The following CLOCK variants were observed in gnomAD, a reference collection of about 807,000 sequenced individuals.
CLOCK encodes clock circadian regulator.
In CLOCK, 43 loss-of-function variants were observed where a neutral mutation model predicts 118.4. That is an observed-to-expected ratio of 0.36 (90% CI 0.28 to 0.47). The LOEUF is 0.47. CLOCK is among the 20% of genes least tolerant of loss of function. The pLI, the probability that CLOCK is intolerant of heterozygous loss-of-function variation, is 1.00. For missense variants in CLOCK, 846 were observed against 999.9 expected (o/e 0.85, Z 2.08); for synonymous variants, 326 against 339.2 (o/e 0.96, Z 0.43).
At chr4:55,495,300 ATTG>A (rs1035164047) in intron 2 of CLOCK, among the ~76,000 whole-genome samples, 8 of 152,124 alleles carry the variant, frequency 5.3e-5, no homozygotes, top group African/African-American at 1.9e-4. Context: ...TTTCCTCAGT[ATTG>A]TTGTTGCACA....
At chr4:55,492,031 A>AT (rs1215927540) in intron 2 of CLOCK, among the ~76,000 whole-genome samples, 1 of 152,168 alleles carries the variant, frequency 6.6e-6, no homozygotes, top group African/African-American at 2.4e-5. Context: ...AAAAGGGAAC[A>AT]TTTTCAAACT....
chr4:55,539,031 G>A lies in CLOCK; in HGVS notation c.-290+7751C>T, dbSNP rs77926023. 5.0e-3 allele frequency among the ~76,000 whole-genome samples: 752 copies of A among 150,956 alleles called. 8 individuals are homozygous for A. Among genetic ancestry groups the A allele is most frequent in the African/African-American group, 0.018 (725 of 40,972 alleles). The stretch of plus-strand genomic sequence containing the variant: ...CAGATCACTTGAGGCCATGAGTTTG[G>A]AGACCTGCGTGGCCAACATGGCAAA... On this transcript the variant is annotated intron_variant, in intron 1 of 22. Transcript: ENST00000513440.
At chr4:55,460,802 C>T (rs116634267) in intron 9 of CLOCK, among the ~76,000 whole-genome samples, 4,126 of 152,224 alleles carry the variant, frequency 0.027, 197 homozygotes, top group African/African-American at 0.094. Flanking sequence ...ATCATCTAAC[C>T]TAATCAGTAA....
intron 11 of CLOCK, among the ~76,000 whole-genome samples, chr4:55,457,655 C>A (rs1265199082): frequency 6.6e-6 from 1 of 152,192 alleles, no homozygotes; most frequent in Non-Finnish European, 1.5e-5. Flanking sequence ...CTCCCACTAT[C>A]TCTTCCCCCT....
intron 2 of CLOCK, among the ~76,000 whole-genome samples, chr4:55,500,436 T>C (rs1388514328): frequency 6.6e-6 from 1 of 151,920 alleles, no homozygotes; most frequent in African/African-American, 2.4e-5. Context: ...CTCGACCTCC[T>C]GGGCTCAAGC....
intron 1 of CLOCK, among the ~76,000 whole-genome samples, chr4:55,531,390 G>A (rs567778247): frequency 8.5e-5 from 13 of 152,184 alleles, no homozygotes; most frequent in African/African-American, 2.9e-4. Flanking sequence ...AGGCTTTACT[G>A]GAGAATTCTA....
chr4:55,434,227 C>T lies in CLOCK; in HGVS notation c.*1188G>A, dbSNP rs187961047. Reference sequence around the variant, plus strand: ...TCAAGGCACTATGGGGTTTTTTCCCCTCAAATAACCCTGAATCATTTCTGA... The same window carrying T: ...TCAAGGCACTATGGGGTTTTTTCCCTTCAAATAACCCTGAATCATTTCTGA... On this transcript the variant is annotated 3_prime_UTR_variant, in exon 23 of 23. Coordinates refer to ENST00000513440, the MANE Select transcript of CLOCK (RefSeq NM_004898.4). The T allele has an allele frequency of 6.6e-5, 10 of 152,642 alleles. No homozygotes were observed. The East Asian group carries it at 1.9e-3, about 30-fold the overall frequency. The allele number at this position is 152,642 out of a possible 1,614,324, so 9.5% of individuals were successfully genotyped here. A position where few individuals can be genotyped will look rare whatever the true frequency, so the allele number is the denominator to read the frequency against.
chr4:55,482,472 T>C (rs1335054504), intron 4 of CLOCK, among the ~76,000 whole-genome samples: 2 of 152,204 alleles, frequency 1.3e-5, no homozygotes, highest in Non-Finnish European at 2.9e-5. Flanking sequence ...AGAATTTCCT[T>C]CAGAGCAGCT....
At position 55,449,947 on chromosome 4, in the gene CLOCK, TA is replaced by T. The variant is rs1724272226; in HGVS notation, c.1348+143del. On this transcript the variant is annotated intron_variant, in intron 16 of 22. Coordinates refer to ENST00000513440, the MANE Select transcript of CLOCK (RefSeq NM_004898.4). Reference sequence around the variant, plus strand: ...TTGCTGAAAGTGGGCAATGTCCCTTTAACTCACTGGAAAGGTTACTACATTT... The same window carrying T: ...TTGCTGAAAGTGGGCAATGTCCCTTTACTCACTGGAAAGGTTACTACATTT... 3.0e-6 allele frequency: 3 copies of T among 1,007,050 alleles called. No homozygotes were observed. In the Admixed American group the frequency reaches 6.7e-5, roughly 23 times the overall value. 62.4% of individuals were successfully genotyped at this position (1,007,050 alleles called of 1,614,324 possible).
chr4:55,530,840 G>A (rs1173700625), intron 1 of CLOCK, among the ~76,000 whole-genome samples: 1 of 135,788 alleles, frequency 7.4e-6, no homozygotes, highest in African/African-American at 2.8e-5. Context: ...AAAAGAGGAA[G>A]ATGTCGCATC....
chr4:55,472,271 G>A (rs991679183), intron 7 of CLOCK, among the ~76,000 whole-genome samples: 2 of 152,002 alleles, frequency 1.3e-5, no homozygotes, highest in East Asian at 1.9e-4. Flanking sequence ...AAGGCAAGTC[G>A]GACTACAATG....
chr4:55,450,827 C>G (rs1577701567), intron 15 of CLOCK, among the ~76,000 whole-genome samples: 1 of 151,700 alleles, frequency 6.6e-6, no homozygotes, highest in Middle Eastern at 3.4e-3. Context: ...ACAGCTAAAA[C>G]TACATAACTC....
At chr4:55,467,572 T>G (rs889764763) in intron 8 of CLOCK, among the ~76,000 whole-genome samples, 1 of 152,246 alleles carries the variant, frequency 6.6e-6, no homozygotes, top group African/African-American at 2.4e-5. Context: ...CTAGATTATA[T>G]AGTTTCTGTA....
intron 2 of CLOCK, among the ~76,000 whole-genome samples, chr4:55,489,725 T>C (rs1554482): frequency 0.043 from 6,556 of 151,924 alleles, 451 homozygotes; most frequent in African/African-American, 0.15. Flanking sequence ...TGTTAATGAG[T>C]ATACAACATA....
chr4:55,447,717 TCTC>T (rs1449984371), intron 18 of CLOCK, among the ~76,000 whole-genome samples: 2 of 152,266 alleles, frequency 1.3e-5, no homozygotes, highest in East Asian at 3.9e-4. Flanking sequence ...AAAGTATGTA[TCTC>T]CTATCATATA....
chr4:55,499,651 A>G (rs1335721723), intron 2 of CLOCK, among the ~76,000 whole-genome samples: 2 of 152,182 alleles, frequency 1.3e-5, no homozygotes, highest in Admixed American at 1.3e-4. Flanking sequence ...GGTTCCTAAC[A>G]GGCCACAGTA....
At chr4:55,480,393 T>A (rs1048614304) in intron 4 of CLOCK, among the ~76,000 whole-genome samples, 32 of 152,274 alleles carry the variant, frequency 2.1e-4, no homozygotes, top group African/African-American at 7.5e-4. Flanking sequence ...GCCTGCTGAG[T>A]AGCTGGGACC....
At chr4:55,443,543 AAT>A in intron 20 of CLOCK, 142 bp downstream of exon 20, 1 of 688,288 alleles carries the variant, frequency 1.5e-6, no homozygotes, top group African/African-American at 1.8e-5. Context: ...AAAATATTTT[AAT>A]AATCACTCTC....
At position 55,527,044 on chromosome 4, in the gene CLOCK, G is replaced by T. The variant is rs78738821; in HGVS notation, c.-289-16979C>A. Among the ~76,000 whole-genome samples the T allele has an allele frequency of 2.8e-4, 41 of 148,682 alleles. No individual in the cohort carries two copies. In the East Asian group the frequency reaches 8.1e-3, roughly 29 times the overall value. On this transcript the variant is annotated intron_variant, in intron 1 of 22. Transcript: ENST00000513440. ...CTTCACATCCAATTTCCAGTTACAT[G>T]AATACAAGAAAGTAATAAGTAAAAT...
Sources: gnomAD v4.1 joint callset for allele counts (sites outside exome capture counted in the v4.1 genomes callset) on GRCh38, gnomAD v4.1.1 for gene constraint, MANE v1.5 for transcripts, NCBI Gene and HGNC (gene_info 2026-07-23, HGNC 2026-07-21) for gene names.